The following STK4 variants were observed in gnomAD, a reference collection of about 807,000 sequenced individuals.
STK4 encodes the protein serine/threonine kinase 4.
In STK4, 30 loss-of-function variants were observed where a neutral mutation model predicts 64.9. The observed-to-expected ratio is 0.46, with a 90% confidence interval of 0.35 to 0.63. The LOEUF (loss-of-function observed/expected upper bound fraction) is 0.63, where lower values mean the gene tolerates loss of function less well. Among genes scored for constraint, STK4 ranks in the 20% least tolerant of loss-of-function variants. The pLI, the probability that STK4 is intolerant of heterozygous loss-of-function variation, is 0.01. For synonymous variants in STK4, 177 were observed against 199.0 expected, an observed-to-expected ratio of 0.89 and a Z score of 0.93; for missense variants, 466 against 598.5, an observed-to-expected ratio of 0.78 and a Z score of 2.31.
chr20:45,004,953 A>G (rs2145705684), intron 9 of STK4, among the ~76,000 whole-genome samples: 1 of 151,342 alleles, frequency 6.6e-6, no homozygotes, highest in East Asian at 2.0e-4. Context: ...TTGTATTTTT[A>G]GTAGAGACAG....
chr20:45,010,278 G>C (rs941987484), intron 9 of STK4, among the ~76,000 whole-genome samples: 1 of 152,048 alleles, frequency 6.6e-6, no homozygotes, highest in African/African-American at 2.4e-5. Context: ...TATTGGGCAG[G>C]CTGGTCTCCA....
intron 5 of STK4, among the ~76,000 whole-genome samples, chr20:44,992,459 C>T (rs769352538): frequency 5.9e-5 from 9 of 151,768 alleles, no homozygotes; most frequent in Non-Finnish European, 1.3e-4. Flanking sequence ...TAGGCTCTCC[C>T]TATTTTACCC....
chr20:45,075,018 C>G lies in STK4; in HGVS notation c.1306C>G (p.Leu436Val), dbSNP rs776425570. ...ACTATACCTTCCACTTCTCTTCTAG[C>G]TTAAGAGTTGGACAGTGGAGGACCT... The part of the protein sequence containing the change: ...KIPQDGDYEF[L>V]KSWTVEDLQK... The change falls in exon 11 of 11, where the codon CTT (leucine) becomes GTT (valine). Residue 436 changes from leucine (L) to valine (V), a missense_variant and splice_region_variant. Transcript: ENST00000372806. 3 of 1,614,066 alleles carry G rather than the reference C, an allele frequency of 1.9e-6. No individual in the cohort carries two copies. Among genetic ancestry groups the G allele is most frequent in the South Asian group, 2.2e-5 (2 of 91,090 alleles).
chr20:45,067,309 A>G (rs927031365), intron 10 of STK4, among the ~76,000 whole-genome samples: 4 of 152,174 alleles, frequency 2.6e-5, no homozygotes, highest in African/African-American at 4.8e-5. Context: ...GACTCGCCCA[A>G]CCAGAAGGGA....
At chr20:45,072,181 T>C (rs1980125020) in intron 10 of STK4, among the ~76,000 whole-genome samples, 1 of 152,190 alleles carries the variant, frequency 6.6e-6, no homozygotes, top group African/African-American at 2.4e-5. Flanking sequence ...ATACAGGTGA[T>C]CCATAGGTCA....
At chr20:45,062,689 C>T (rs542134567) in intron 10 of STK4, among the ~76,000 whole-genome samples, 29 of 151,942 alleles carry the variant, frequency 1.9e-4, no homozygotes, top group African/African-American at 5.8e-4. Flanking sequence ...GACGGAGTCT[C>T]GCTTTGTCGC....
intron 9 of STK4, among the ~76,000 whole-genome samples, chr20:45,009,286 A>AT (rs1339515864): frequency 6.6e-6 from 1 of 152,248 alleles, no homozygotes. Flanking sequence ...CATTTATTAA[A>AT]TAGGGTGTCC....
chr20:45,031,635 C>T (rs2068444923), intron 10 of STK4, among the ~76,000 whole-genome samples: 1 of 152,170 alleles, frequency 6.6e-6, no homozygotes, highest in South Asian at 2.1e-4. Flanking sequence ...AGCATGGTGG[C>T]TCATGCCTGT....
intron 10 of STK4, among the ~76,000 whole-genome samples, chr20:45,061,595 A>AT (rs1374245948): frequency 9.0e-6 from 1 of 111,544 alleles, no homozygotes; most frequent in Non-Finnish European, 1.9e-5. Context: ...TTAGTATGGA[A>AT]ATTTTTTTTT....
chr20:45,012,652 G>A lies in STK4; in HGVS notation c.1147+11299G>A, dbSNP rs78925846. On this transcript the variant is annotated intron_variant, in intron 9 of 10. Coordinates refer to ENST00000372806, the MANE Select transcript of STK4 (RefSeq NM_006282.5). ...CATTTTTCTTCTATAGACAACTACT[G>A]TAGATATTTATGGACTGTTTTATTC... is the stretch of plus-strand genomic sequence containing the variant. Among the ~76,000 whole-genome samples the A allele has an allele frequency of 5.8e-3, 880 of 152,116 alleles. 4 individuals are homozygous for A. The highest frequency in any genetic ancestry group is 7.6e-3 in the Admixed American group (116 of 15,272).
intron 10 of STK4, among the ~76,000 whole-genome samples, chr20:45,062,989 C>CTTGTTTTTGTTTTTT (rs1979211481): frequency 3.2e-5 from 1 of 31,452 alleles, no homozygotes; most frequent in Non-Finnish European, 5.8e-5. Context: ...CGCACCCGGC[C>CTTGTTTTTGTTTTTT]TTTTTTTTTT....
At chr20:45,015,043 G>A (rs1378350894) in intron 9 of STK4, among the ~76,000 whole-genome samples, 1 of 152,042 alleles carries the variant, frequency 6.6e-6, no homozygotes, top group African/African-American at 2.4e-5. Context: ...ATTAAGTTAG[G>A]GCAACTAAGA....
intron 7 of STK4, 63 bp downstream of exon 7, chr20:44,997,369 A>G (rs1005001098): frequency 9.8e-6 from 15 of 1,532,306 alleles, no homozygotes; most frequent in Admixed American, 2.1e-5. Flanking sequence ...AAAAGATGCC[A>G]TGAGGTCACC....
intron 9 of STK4, among the ~76,000 whole-genome samples, chr20:45,003,699 A>C (rs955972676): frequency 3.3e-5 from 5 of 151,740 alleles, no homozygotes; most frequent in African/African-American, 1.2e-4. Context: ...CTGTGAACCT[A>C]AAACGTCTCT....
rs996478548 is a variant in STK4, at chr20:44,966,734, A to AG, written c.35+139dup. The AG allele has an allele frequency of 3.1e-4, 326 of 1,043,974 alleles. 1 individual carries two copies. Among genetic ancestry groups the AG allele is most frequent in the South Asian group, 1.5e-3 (33 of 21,362 alleles). The allele number at this position is 1,043,974 out of a possible 1,614,324, so 64.7% of individuals were successfully genotyped here. A position where few individuals can be genotyped will look rare whatever the true frequency, so the allele number is the denominator to read the frequency against. On this transcript the variant is annotated intron_variant, in intron 1 of 10. Transcript: ENST00000372806. ...CAGCCGATGGGGCACCTGCTGAGTG[A>AG]GGGGGGGGACGTCTGGTGGGTGAGG...
chr20:45,016,148 G>T (rs2068138509), intron 9 of STK4, among the ~76,000 whole-genome samples: 1 of 152,174 alleles, frequency 6.6e-6, no homozygotes, highest in African/African-American at 2.4e-5. Flanking sequence ...TGTGTGGTTT[G>T]TGTCTGTGTG....
rs1018264781 is a variant in STK4, at chr20:45,078,256, A to C, written c.*3080A>C. ...AGTCTCACTCTGTTGCCCAGGCTGG[A>C]GTGCAGTGGCGCCATCTCGGCTCAC... is the stretch of plus-strand genomic sequence containing the variant. On this transcript the variant is annotated 3_prime_UTR_variant, in exon 11 of 11. Transcript: ENST00000372806. The C allele has an allele frequency of 6.9e-6, 1 of 145,664 alleles. No individual in the cohort carries two copies. Among genetic ancestry groups the C allele is most frequent in the South Asian group, 2.2e-4 (1 of 4,612 alleles). The allele number at this position is 145,664 out of a possible 1,614,324, so 9.0% of individuals were successfully genotyped here.
intron 10 of STK4, among the ~76,000 whole-genome samples, chr20:45,071,717 G>C (rs1051008352): frequency 6.6e-6 from 1 of 152,164 alleles, no homozygotes; most frequent in Admixed American, 6.5e-5. Flanking sequence ...TATCAAACTT[G>C]AGGATTTATA....
intron 10 of STK4, among the ~76,000 whole-genome samples, chr20:45,045,745 A>C (rs958299192): frequency 6.6e-6 from 1 of 151,724 alleles, no homozygotes; most frequent in South Asian, 2.1e-4. Context: ...TTTCTTATTT[A>C]CTTTCTAATT....
Sources: gnomAD v4.1 joint callset for allele counts (sites outside exome capture counted in the v4.1 genomes callset) on GRCh38, gnomAD v4.1.1 for gene constraint, MANE v1.5 for transcripts, NCBI Gene and HGNC (gene_info 2026-07-23, HGNC 2026-07-21) for gene names.